The following TSBP1 variants were observed in gnomAD, a reference collection of about 807,000 sequenced individuals.
The protein encoded by TSBP1 is testis-expressed basic protein 1.
A neutral mutation model predicts 68.8 loss-of-function variants in TSBP1; 56 were observed. The ratio of observed to expected loss-of-function variants is 0.81; its 90% CI spans 0.66 to 1.02. The LOEUF is 1.02. Among genes scored for constraint, TSBP1 ranks in the 50% least tolerant of loss-of-function variants. TSBP1 has a pLI of 0.00. For missense variants in TSBP1, 502 were observed against 641.2 expected (o/e 0.78, Z 2.34); for synonymous variants, 171 against 208.7 (o/e 0.82, Z 1.56).
rs1374389703 is a variant in TSBP1, at chr6:32,335,600, T to G, written c.452-143A>C. ...TTCAGCTGCAGTTGAGTAGTAGAAA[T>G]GGTGACTTTCTTGCTATGGCAAACT... On this transcript the variant is annotated intron_variant, in intron 13 of 22. Coordinates refer to ENST00000612031, the Ensembl canonical transcript of TSBP1. This position sits in a 1 kb window ranked among gnomAD's most constrained non-coding sequence, Gnocchi z 5.5. 5 of 735,084 alleles carry G rather than the reference T, an allele frequency of 6.8e-6. No individual in the cohort carries two copies. The highest frequency in any genetic ancestry group is 9.7e-6 in the Non-Finnish European group (5 of 513,994). 45.5% of individuals were successfully genotyped at this position (735,084 alleles called of 1,614,324 possible). A position where few individuals can be genotyped will look rare whatever the true frequency, so the allele number is the denominator to read the frequency against.
intron 14 of TSBP1, among the ~76,000 whole-genome samples, chr6:32,332,863 T>C (rs1769209901): frequency 6.6e-6 from 1 of 152,182 alleles, no homozygotes; most frequent in South Asian, 2.1e-4. Flanking sequence ...TCCTCCTGCC[T>C]TAGCCTCCCA....
chr6:32,347,662 A>AGATTTT (rs1771209272), intron 9 of TSBP1, among the ~76,000 whole-genome samples: 2 of 152,176 alleles, frequency 1.3e-5, no homozygotes, highest in Admixed American at 6.5e-5. Context: ...CCTGATGAAA[A>AGATTTT]CAATGGCTTA....
At chr6:32,300,418 T>C (rs540922053) in intron 21 of TSBP1, among the ~76,000 whole-genome samples, 1 of 152,346 alleles carries the variant, frequency 6.6e-6, no homozygotes, top group East Asian at 1.9e-4. Flanking sequence ...AAATAGGCTC[T>C]GTTGTGATAG....
chr6:32,330,756 C>T (rs1182246356), intron 15 of TSBP1, 147 bp from the exon 17 acceptor site: 1 of 958,930 alleles, frequency 1.0e-6, no homozygotes, highest in Non-Finnish European at 1.5e-6. Flanking sequence ...CTGCAACCTC[C>T]ACCTTCTGGG....
At chr6:32,298,558 G>A (rs1015752795) in intron 22 of TSBP1, among the ~76,000 whole-genome samples, 1 of 151,628 alleles carries the variant, frequency 6.6e-6, no homozygotes, top group African/African-American at 2.4e-5. Context: ...CAGCTTGGGC[G>A]ACAAGAACGA....
chr6:32,313,579 C>G (rs1766636392), intron 19 of TSBP1, among the ~76,000 whole-genome samples: 1 of 152,078 alleles, frequency 6.6e-6, no homozygotes, highest in South Asian at 2.1e-4. Flanking sequence ...TGAGGTATCA[C>G]TCATATGGTG....
chr6:32,362,928 A>T (rs3117112), intron 6 of TSBP1, among the ~76,000 whole-genome samples: 116,874 of 152,054 alleles, frequency 0.77, 45,198 homozygotes, highest in South Asian at 0.9. Context: ...ATTTTCTCCC[A>T]TGTTAATTTT....
intron 17 of TSBP1, 94 bp downstream of exon 18, chr6:32,323,497 G>A (rs1394815647): frequency 7.6e-5 from 91 of 1,197,454 alleles, no homozygotes; most frequent in Non-Finnish European, 1.0e-4. Flanking sequence ...TGCACACAGA[G>A]TTAGAAATGA....
chr6:32,308,040 G>A (rs939941625), intron 19 of TSBP1, among the ~76,000 whole-genome samples: 4 of 151,894 alleles, frequency 2.6e-5, no homozygotes, highest in African/African-American at 7.3e-5. Context: ...CTCCCAAAGC[G>A]CTGGAATTAC....
intron 22 of TSBP1, 134 bp downstream of exon 25, chr6:32,299,788 A>T: frequency 1.4e-6 from 1 of 727,412 alleles, no homozygotes; most frequent in Middle Eastern, 2.4e-4. Flanking sequence ...GAACCTTGGA[A>T]GTTTCTGGAA....
At chr6:32,307,631 CTTTA>C (rs1562071925) in intron 19 of TSBP1, among the ~76,000 whole-genome samples, 1 of 151,956 alleles carries the variant, frequency 6.6e-6, no homozygotes, top group Non-Finnish European at 1.5e-5. Context: ...ATTAAAATAT[CTTTA>C]TTTAGTTACA....
At chr6:32,323,809 T>C (rs914981549) in intron 16 of TSBP1, 195 bp from the exon 18 acceptor site, 2 of 611,286 alleles carry the variant, frequency 3.3e-6, no homozygotes, top group Non-Finnish European at 5.9e-6. Context: ...ATTTTGATGA[T>C]AGGAAAGTAA....
chr6:32,362,564 T>C (rs1307547969), intron 6 of TSBP1, among the ~76,000 whole-genome samples: 4 of 152,230 alleles, frequency 2.6e-5, no homozygotes, highest in Admixed American at 2.0e-4. Flanking sequence ...TTATCAGATA[T>C]ATGGTTTGCA....
chr6:32,331,967 G>T (rs147551212), intron 15 of TSBP1, 67 bp downstream of exon 16: 5 of 1,106,404 alleles, frequency 4.5e-6, no homozygotes, highest in South Asian at 3.8e-5. Context: ...TTAAACAGTT[G>T]GAGCCAGTCT....
chr6:32,353,912 A>G (rs759357670), intron 8 of TSBP1, among the ~76,000 whole-genome samples: 5 of 152,012 alleles, frequency 3.3e-5, no homozygotes, highest in Non-Finnish European at 5.9e-5. Flanking sequence ...AAACCAAAAA[A>G]CAATTAACAA....
In TSBP1 at chr6:32,338,583, A is replaced by G. The variant is rs1308764735; in HGVS notation, c.409+396T>C. Among the ~76,000 whole-genome samples the G allele has an allele frequency of 6.6e-6, 1 of 152,174 alleles. No homozygotes were observed. Among genetic ancestry groups the G allele is most frequent in the Non-Finnish European group, 1.5e-5 (1 of 68,032 alleles). On this transcript the variant is annotated intron_variant, in intron 11 of 22. Coordinates refer to ENST00000612031, the Ensembl canonical transcript of TSBP1. This position sits in a 1 kb window ranked among gnomAD's most constrained non-coding sequence, Gnocchi z 5.5. The stretch of plus-strand genomic sequence containing the variant: ...TACATCCCACACAAACATCAGTGAC[A>G]GTCTGGGATCCTCGGTCAGTGAGCT...
chr6:32,312,822 T>C (rs1422328850), intron 19 of TSBP1, among the ~76,000 whole-genome samples: 1 of 144,874 alleles, frequency 6.9e-6, no homozygotes, highest in African/African-American at 2.5e-5. Context: ...TCTTCCCACT[T>C]CCACTCTGAT....
exon 7 of TSBP1, chr6:32,355,658 T>C: frequency 6.3e-7 from 1 of 1,589,364 alleles, no homozygotes. Flanking sequence ...CTGTAATCTC[T>C]TTTGGATCTC....
Position 32,314,617 on chromosome 6 carries a change from T to C in TSBP1, c.580+1155A>G, listed in dbSNP as rs978296817. 3.3e-5 allele frequency among the ~76,000 whole-genome samples: 5 copies of C among 152,352 alleles called. No individual in the cohort carries two copies. Among genetic ancestry groups the C allele is most frequent in the Admixed American group, 3.3e-4 (5 of 15,308 alleles). Reference sequence around the variant, plus strand: ...GGGATTTTGGAGAGACACTCACTTATAATTCTTTGTTGACAGTTCCATTTC... The same window carrying C: ...GGGATTTTGGAGAGACACTCACTTACAATTCTTTGTTGACAGTTCCATTTC... On this transcript the variant is annotated intron_variant, in intron 19 of 22. Coordinates refer to ENST00000612031, the Ensembl canonical transcript of TSBP1. This position sits in a 1 kb window ranked among gnomAD's most constrained non-coding sequence, Gnocchi z 4.2.
Sources: gnomAD v4.1 joint callset for allele counts (sites outside exome capture counted in the v4.1 genomes callset) on GRCh38, gnomAD v4.1.1 for gene constraint, Gnocchi (gnomAD v3.1) non-coding constraint, MANE v1.5 for transcripts, NCBI Gene and HGNC (gene_info 2026-07-23, HGNC 2026-07-21) for gene names.